Variants in KLF12 observed in about 807,000 individuals in gnomAD.
The protein encoded by KLF12 is Krueppel-like factor 12.
KLF12 carries 9 observed loss-of-function variants against 37.8 expected under a neutral mutation model. That is an observed-to-expected ratio of 0.24 (90% CI 0.14 to 0.42). The LOEUF is 0.42. Among genes scored for constraint, KLF12 ranks in the 10% least tolerant of loss-of-function variants. The pLI is 1.00. For synonymous variants in KLF12, 208 were observed against 202.1 expected (o/e 1.03, Z -0.25); for missense variants, 411 against 516.0 (o/e 0.80, Z 1.97).
chr13:73,945,850 T>G (rs989843646), intron 2 of KLF12, among the ~76,000 whole-genome samples: 1 of 152,250 alleles, frequency 6.6e-6, no homozygotes, highest in Non-Finnish European at 1.5e-5. Context: ...TATATCTTAA[T>G]AGATAATTTA....
the KLF12 span, among the ~76,000 whole-genome samples, chr13:74,248,150 A>G: frequency 6.6e-6 from 1 of 152,162 alleles, no homozygotes; most frequent in Admixed American, 6.5e-5. Context: ...ACAGGCCTAC[A>G]TGTAGTTGTA....
At chr13:74,107,670 A>C (rs1436559488) in intron 1 of KLF12, among the ~76,000 whole-genome samples, 1 of 152,230 alleles carries the variant, frequency 6.6e-6, no homozygotes, top group Non-Finnish European at 1.5e-5. Context: ...TCTATCCTTG[A>C]AATAAAAGGC....
chr13:73,857,119 C>CA (rs1266190162), intron 3 of KLF12, among the ~76,000 whole-genome samples: 5 of 152,148 alleles, frequency 3.3e-5, no homozygotes, highest in Non-Finnish European at 7.4e-5. Flanking sequence ...CTCACAATTT[C>CA]AAGTGTTGGA....
At chr13:74,055,475 A>T (rs1873193163) in intron 1 of KLF12, among the ~76,000 whole-genome samples, 1 of 152,220 alleles carries the variant, frequency 6.6e-6, no homozygotes, top group Non-Finnish European at 1.5e-5. Context: ...AGAAAGCTGC[A>T]AAGCGTGCTC....
chr13:74,084,763 G>C (rs137861083), intron 1 of KLF12, among the ~76,000 whole-genome samples: 142 of 152,120 alleles, frequency 9.3e-4, no homozygotes, highest in African/African-American at 3.3e-3. Context: ...GGAAACATCA[G>C]GGGAATTTTA....
intron 1 of KLF12, among the ~76,000 whole-genome samples, chr13:74,051,239 AT>A (rs1425349681): frequency 6.6e-6 from 1 of 152,138 alleles, no homozygotes; most frequent in Admixed American, 6.5e-5. Flanking sequence ...CTGCACTCCC[AT>A]GTTTATTGCA....
intron 2 of KLF12, among the ~76,000 whole-genome samples, chr13:73,987,772 G>A (rs1315099239): frequency 7.4e-6 from 1 of 135,652 alleles, no homozygotes; most frequent in Non-Finnish European, 1.6e-5. Context: ...GGAAATTGGA[G>A]AGGGGAGAGA....
chr13:74,219,591 A>C, the KLF12 span, among the ~76,000 whole-genome samples: 1 of 152,230 alleles, frequency 6.6e-6, no homozygotes, highest in Non-Finnish European at 1.5e-5. Context: ...TATTTAAAAC[A>C]CTAAAAAATT....
chr13:74,146,314 A>G, the KLF12 span, among the ~76,000 whole-genome samples: 1 of 152,316 alleles, frequency 6.6e-6, no homozygotes, highest in African/African-American at 2.4e-5. Flanking sequence ...TAACCCTTCA[A>G]TAACCTTTAT....
At chr13:74,222,311 T>G in the KLF12 span, among the ~76,000 whole-genome samples, 6 of 152,220 alleles carry the variant, frequency 3.9e-5, no homozygotes, top group African/African-American at 1.4e-4. Flanking sequence ...GTCTGTATTT[T>G]CAGTTTGAAA....
the KLF12 span, among the ~76,000 whole-genome samples, chr13:74,155,800 C>T: frequency 5.3e-5 from 8 of 152,224 alleles, no homozygotes; most frequent in African/African-American, 1.7e-4. Context: ...TTCTTTTCTT[C>T]GGGATAATCT....
chr13:73,888,475 TTGTAGCA>T (rs1887342411), intron 3 of KLF12, among the ~76,000 whole-genome samples: 1 of 152,190 alleles, frequency 6.6e-6, no homozygotes, highest in South Asian at 2.1e-4. Flanking sequence ...TAAAGACAAC[TTGTAGCA>T]TGTATAATTC....
At chr13:74,268,440 T>A in the KLF12 span, among the ~76,000 whole-genome samples, 5 of 152,210 alleles carry the variant, frequency 3.3e-5, no homozygotes, top group African/African-American at 1.2e-4. Context: ...GTCCAACATT[T>A]CTCTGGCCAT....
At chr13:73,934,252 T>C (rs1011119585) in intron 3 of KLF12, among the ~76,000 whole-genome samples, 3 of 152,152 alleles carry the variant, frequency 2.0e-5, no homozygotes, top group African/African-American at 7.2e-5. Context: ...CATAAGGCTT[T>C]ATCACAAGTT....
At chr13:73,745,085 A>G (rs1211681769) in intron 6 of KLF12, among the ~76,000 whole-genome samples, 1 of 152,194 alleles carries the variant, frequency 6.6e-6, no homozygotes, top group Admixed American at 6.5e-5. Flanking sequence ...TAACTTATTT[A>G]TTCATTTATT....
chr13:73,741,041 T>C (rs1877934419), intron 6 of KLF12, among the ~76,000 whole-genome samples: 1 of 152,234 alleles, frequency 6.6e-6, no homozygotes, highest in Non-Finnish European at 1.5e-5. Context: ...TTTCACATAA[T>C]ACTTTAAGTT....
chr13:73,802,160 G>A (rs774951279), intron 5 of KLF12: 3 of 151,978 alleles, frequency 2.0e-5, no homozygotes, highest in Admixed American at 6.6e-5. Context: ...TAGAAATGGA[G>A]ACAGAAATCA....
chr13:74,288,632 G>T, the KLF12 span, among the ~76,000 whole-genome samples: 51 of 152,282 alleles, frequency 3.3e-4, no homozygotes, highest in African/African-American at 1.2e-3. Flanking sequence ...GCAGAAAACC[G>T]TGAAGAGTCA....
chr13:74,293,000 G>A, the KLF12 span, among the ~76,000 whole-genome samples: 1 of 152,174 alleles, frequency 6.6e-6, no homozygotes, highest in African/African-American at 2.4e-5. Flanking sequence ...GAACTCTTAA[G>A]TTCTTTAGGA....
Sources: gnomAD v4.1 joint callset for allele counts (sites outside exome capture counted in the v4.1 genomes callset) on GRCh38, gnomAD v4.1.1 for gene constraint, MANE v1.5 for transcripts, NCBI Gene and HGNC (gene_info 2026-07-23, HGNC 2026-07-21) for gene names.